Variants in ESRRG observed in about 807,000 individuals in gnomAD.
ESRRG encodes the protein estrogen-related receptor gamma.
A neutral mutation model predicts 44.0 loss-of-function variants in ESRRG; 13 were observed. The observed-to-expected ratio is 0.30, with a 90% CI of 0.19 to 0.47. The LOEUF is 0.47. ESRRG is among the 20% of genes least tolerant of loss of function. The probability of loss-of-function intolerance (pLI) is 1.00; values close to 1 mark genes in which losing one functional copy is unlikely to be tolerated. For missense variants in ESRRG, 395 were observed against 580.6 expected (o/e 0.68, Z 3.29); for synonymous variants, 215 against 214.6 (o/e 1.00, Z -0.02).
intron 5 of ESRRG, 34 bp downstream of exon 5, chr1:216,564,185 C>CCTTTT (rs2059280400): frequency 1.4e-6 from 2 of 1,406,646 alleles, no homozygotes; most frequent in Non-Finnish European, 1.9e-6. Flanking sequence ...TTAATTGCAA[C>CCTTTT]CTTTTCTTTT....
intron 2 of ESRRG, among the ~76,000 whole-genome samples, chr1:216,653,879 C>T (rs970534642): frequency 2.6e-5 from 4 of 151,406 alleles, no homozygotes; most frequent in Non-Finnish European, 4.4e-5. Flanking sequence ...TTTGGGAGGC[C>T]GAGGCAGGTG....
At chr1:216,808,565 T>C (rs555919377) in intron 2 of ESRRG, among the ~76,000 whole-genome samples, 1 of 152,222 alleles carries the variant, frequency 6.6e-6, no homozygotes, top group South Asian at 2.1e-4. Context: ...CAGCTGAGAC[T>C]ACAGGCAGGT....
At chr1:216,709,661 CA>C (rs1184567456) in intron 1 of ESRRG, among the ~76,000 whole-genome samples, 8 of 150,770 alleles carry the variant, frequency 5.3e-5, no homozygotes, top group African/African-American at 1.5e-4. Context: ...ATTTTTTTGC[CA>C]GCTTTTTTTT....
intron 3 of ESRRG, among the ~76,000 whole-genome samples, chr1:216,627,296 C>A (rs2063344618): frequency 6.6e-6 from 1 of 152,162 alleles, no homozygotes; most frequent in South Asian, 2.1e-4. Flanking sequence ...GTCACTCAAT[C>A]CTTTCTCTTT....
rs141423098 is a variant in ESRRG, at chr1:216,507,154, C to T, written c.1162G>A (p.Val388Ile). 3.2e-5 allele frequency: 51 copies of T among 1,611,924 alleles called. No individual in the cohort carries two copies. The highest frequency in any genetic ancestry group is 6.7e-5 in the East Asian group (3 of 44,876). The change falls in exon 7 of 7, where the codon GTT becomes ATT. Residue 388 changes from valine to isoleucine, a missense_variant. Physicochemically the swap from Val to Ile is conservative, Grantham distance 29. Around this residue, in one of 5 missense-constraint regions of ESRRG, gnomAD observed 167 missense variants for 251.8 expected, o/e 0.66. Coordinates refer to ENST00000408911, the MANE Select transcript of ESRRG (RefSeq NM_001438.4). ...DSMHIEDVEA[V>I]QKLQDVLHEA... The stretch of plus-strand genomic sequence containing the variant: ...TGTAAGACATCCTGAAGCTTCTGAA[C>T]GGCTTCAACATCTTCTATGTGCATG...
At chr1:216,666,420 A>G (rs2073944399) in intron 2 of ESRRG, among the ~76,000 whole-genome samples, 1 of 152,204 alleles carries the variant, frequency 6.6e-6, no homozygotes, top group Non-Finnish European at 1.5e-5. Context: ...TATCATTCCT[A>G]TTGTTTTGCT....
At position 216,531,225 on chromosome 1, in the gene ESRRG, CT is replaced by C. The variant is rs200180049; in HGVS notation, c.863-11805del. Among the ~76,000 whole-genome samples the C allele has an allele frequency of 1.3e-3, 193 of 152,162 alleles. 5 individuals are homozygous for C. In the East Asian group the frequency reaches 0.018, roughly 14 times the overall value. The stretch of plus-strand genomic sequence containing the variant: ...CCACACTCAAATAATATTAGAAATC[CT>C]TACTACTGATGCTTAAAGACCTAGG... On this transcript the variant is annotated intron_variant, in intron 5 of 6. Coordinates refer to ENST00000408911, the MANE Select transcript of ESRRG (RefSeq NM_001438.4).
In ESRRG at chr1:216,752,478, T is replaced by C. The variant is rs547685851; in HGVS notation, c.-13-74987A>G. On this transcript the variant is annotated intron_variant, in intron 2 of 7. Coordinates refer to the ESRRG transcript ENST00000359162. ...AAATGCCAGACAGGAATGAATACTT[T>C]ACTTTTACTTATGTTTCTTTCCTGA... Among the ~76,000 whole-genome samples the C allele has an allele frequency of 2.4e-4, 36 of 152,292 alleles. No homozygotes were observed. In the South Asian group the frequency reaches 6.4e-3, roughly 27 times the overall value.
intron 2 of ESRRG, among the ~76,000 whole-genome samples, chr1:216,845,559 G>A (rs1272640786): frequency 6.6e-6 from 1 of 152,112 alleles, no homozygotes; most frequent in Non-Finnish European, 1.5e-5. Flanking sequence ...GTCAAGCTGT[G>A]CCCCCATCTC....
intron 1 of ESRRG, among the ~76,000 whole-genome samples, chr1:216,709,192 T>A (rs977167281): frequency 3.9e-5 from 6 of 152,050 alleles, no homozygotes; most frequent in Admixed American, 3.9e-4. Context: ...TCTGCACATG[T>A]ATCCCAGAAC....
chr1:217,085,950 G>A (rs1026532424), intron 1 of ESRRG, among the ~76,000 whole-genome samples: 1 of 152,174 alleles, frequency 6.6e-6, no homozygotes, highest in Non-Finnish European at 1.5e-5. Flanking sequence ...GAATTGCAAA[G>A]CCGTATGATT....
At chr1:216,734,904 C>CTTTTTTTT (rs11309409) in intron 2 of ESRRG, among the ~76,000 whole-genome samples, 18 of 100,372 alleles carry the variant, frequency 1.8e-4, no homozygotes, top group Admixed American at 5.0e-4. Flanking sequence ...GTTCCATATT[C>CTTTTTTTT]TTTTTTTTTT....
chr1:216,656,114 C>T (rs2070474818), intron 2 of ESRRG, among the ~76,000 whole-genome samples: 1 of 152,112 alleles, frequency 6.6e-6, no homozygotes, highest in Non-Finnish European at 1.5e-5. Flanking sequence ...ACTATGGGCA[C>T]CTGGAATGTG....
At chr1:217,039,759 G>T (rs959658620) in intron 1 of ESRRG, among the ~76,000 whole-genome samples, 1 of 152,154 alleles carries the variant, frequency 6.6e-6, no homozygotes, top group African/African-American at 2.4e-5. Context: ...ATTTGTATTT[G>T]TTTTTACAAC....
intron 2 of ESRRG, among the ~76,000 whole-genome samples, chr1:216,747,835 A>T (rs938665287): frequency 6.6e-6 from 1 of 152,168 alleles, no homozygotes; most frequent in Non-Finnish European, 1.5e-5. Context: ...AAAAAACAAC[A>T]GTGCTCAGGA....
intron 3 of ESRRG, among the ~76,000 whole-genome samples, chr1:216,614,341 C>CT (rs1265546974): frequency 5.7e-4 from 52 of 91,102 alleles, no homozygotes; most frequent in African/African-American, 2.2e-3. Context: ...CATCCTCTTT[C>CT]TCTTTTTTTT....
chr1:216,946,714 TTTTC>T (rs1400965126), intron 1 of ESRRG, among the ~76,000 whole-genome samples: 4 of 151,996 alleles, frequency 2.6e-5, no homozygotes, highest in African/African-American at 4.8e-5. Flanking sequence ...TTTCTTCCTT[TTTTC>T]TTTCTTTCTT....
chr1:216,623,697 A>G (rs1364726890), intron 3 of ESRRG, among the ~76,000 whole-genome samples: 1 of 152,178 alleles, frequency 6.6e-6, no homozygotes, highest in Non-Finnish European at 1.5e-5. Flanking sequence ...TTAAATACCG[A>G]CCTTTCTAGG....
chr1:216,820,084 A>G (rs972142109), intron 2 of ESRRG, among the ~76,000 whole-genome samples: 19 of 152,216 alleles, frequency 1.2e-4, no homozygotes, highest in African/African-American at 4.1e-4. Context: ...TCCAAATTTA[A>G]TAAGTATAAA....
Sources: gnomAD v4.1 joint callset for allele counts (sites outside exome capture counted in the v4.1 genomes callset) on GRCh38, gnomAD v4.1.1 for gene constraint, gnomAD v4.1.1 regional missense constraint, MANE v1.5 for transcripts, NCBI Gene and HGNC (gene_info 2026-07-23, HGNC 2026-07-21) for gene names.